FBP2: variants seen among roughly 807,000 people sequenced by gnomAD.
The protein encoded by FBP2 is fructose-bisphosphatase 2, also known as fructose-1,6-bisphosphatase isozyme 2.
In FBP2, 27 loss-of-function variants were observed where a neutral mutation model predicts 31.6. The ratio of observed to expected loss-of-function variants is 0.85; its 90% CI spans 0.63 to 1.18. The LOEUF (loss-of-function observed/expected upper bound fraction) is 1.18, where lower values mean the gene tolerates loss of function less well. Ranked by LOEUF, FBP2 falls within the 50% of genes most tolerant of loss-of-function variation. FBP2 has a pLI of 0.00. For missense variants in FBP2, 421 were observed against 436.1 expected, an observed-to-expected ratio of 0.97 and a Z score of 0.31; for synonymous variants, 168 against 179.8, an observed-to-expected ratio of 0.93 and a Z score of 0.53.
intron 6 of FBP2, among the ~76,000 whole-genome samples, chr9:94,561,352 A>ACT (rs1827097696): frequency 1.1e-4 from 6 of 54,970 alleles, no homozygotes; most frequent in African/African-American, 4.7e-4. Flanking sequence ...TGTGACCTGT[A>ACT]TTTTTTTTTT....
At chr9:94,583,323 A>G (rs1827392204) in intron 3 of FBP2, among the ~76,000 whole-genome samples, 1 of 152,224 alleles carries the variant, frequency 6.6e-6, no homozygotes, top group East Asian at 1.9e-4. Flanking sequence ...GCAAACTGCT[A>G]CTATGTCTTA....
At chr9:94,570,610 TC>T (rs1225459626) in intron 4 of FBP2, 1 of 152,244 alleles carries the variant, frequency 6.6e-6, no homozygotes, top group Non-Finnish European at 1.5e-5. Context: ...CCATAGAATT[TC>T]TCAGGGTTTG....
chr9:94,562,319 A>C (rs1362607191), intron 6 of FBP2, among the ~76,000 whole-genome samples: 1 of 151,604 alleles, frequency 6.6e-6, no homozygotes, highest in Non-Finnish European at 1.5e-5. Context: ...CAAAAAAAAA[A>C]AAAAAAAAAA....
intron 4 of FBP2, chr9:94,569,636 C>T (rs995050080): frequency 1.3e-5 from 2 of 152,096 alleles, no homozygotes; most frequent in Admixed American, 6.5e-5. Context: ...TCACCAACAA[C>T]GGCTGATTTT....
chr9:94,588,174 G>C (rs1461597251), intron 1 of FBP2, among the ~76,000 whole-genome samples: 1 of 152,152 alleles, frequency 6.6e-6, no homozygotes, highest in Non-Finnish European at 1.5e-5. Context: ...TCAAGTCTTT[G>C]TGGATTGTCC....
intron 1 of FBP2, among the ~76,000 whole-genome samples, chr9:94,591,230 G>C (rs111291917): frequency 0.032 from 4,945 of 152,350 alleles, 251 homozygotes; most frequent in African/African-American, 0.11. Context: ...CCGCACAGGA[G>C]CCCATGGAGT....
chr9:94,588,581 G>A (rs1030325695), intron 1 of FBP2, among the ~76,000 whole-genome samples: 3 of 152,146 alleles, frequency 2.0e-5, no homozygotes, highest in Non-Finnish European at 4.4e-5. Context: ...CTGTGATCAC[G>A]CCACTGCACT....
chr9:94,581,123 G>C (rs948318361), intron 3 of FBP2, among the ~76,000 whole-genome samples: 2 of 152,092 alleles, frequency 1.3e-5, no homozygotes, highest in East Asian at 3.8e-4. Context: ...TCAGAACTAG[G>C]CTGGGCTTAT....
chr9:94,574,769 C>G (rs2131452828), intron 3 of FBP2, among the ~76,000 whole-genome samples: 1 of 152,206 alleles, frequency 6.6e-6, no homozygotes, highest in African/African-American at 2.4e-5. Context: ...CTCTACCAAA[C>G]TCATCAACTC....
At chr9:94,584,344 G>A (rs1827402982) in intron 3 of FBP2, among the ~76,000 whole-genome samples, 1 of 152,120 alleles carries the variant, frequency 6.6e-6, no homozygotes, top group Non-Finnish European at 1.5e-5. Context: ...GATCTCAGCT[G>A]TCCTTCTGTG....
At chr9:94,563,493 AG>A (rs751308820) in intron 5 of FBP2, 32 bp from the exon 6 acceptor site, 3 of 1,603,700 alleles carry the variant, frequency 1.9e-6, no homozygotes, top group Non-Finnish European at 2.6e-6. Context: ...GACAAGATCC[AG>A]TGGCTTTCAG....
chr9:94,588,314 G>A (rs954805477), intron 1 of FBP2, among the ~76,000 whole-genome samples: 3 of 152,132 alleles, frequency 2.0e-5, no homozygotes, highest in African/African-American at 7.2e-5. Flanking sequence ...CAGTATAAGA[G>A]AGTGCTACTA....
chr9:94,566,075 C>T (rs1484270555), intron 5 of FBP2, among the ~76,000 whole-genome samples: 1 of 152,224 alleles, frequency 6.6e-6, no homozygotes, highest in Non-Finnish European at 1.5e-5. Flanking sequence ...TTAATCTTCT[C>T]ATCAAACAAT....
intron 5 of FBP2, 90 bp from the exon 6 acceptor site, chr9:94,563,551 T>C: frequency 2.8e-6 from 4 of 1,432,736 alleles, no homozygotes; most frequent in South Asian, 2.6e-5. Flanking sequence ...TGGTGTGACC[T>C]CTGCCTTCTT....
intron 3 of FBP2, 117 bp downstream of exon 3, chr9:94,584,460 G>A: frequency 1.5e-6 from 1 of 683,354 alleles, no homozygotes; most frequent in Non-Finnish European, 2.6e-6. Flanking sequence ...GCCTACAGTG[G>A]CTTTTCTCGT....
rs1174386595 is a variant in FBP2 at position 94,561,352 on chromosome 9, A to ATTTTTTTTTTTTTT, written c.825+1976_825+1989dup. Among the ~76,000 whole-genome samples the ATTTTTTTTTTTTTT allele has an allele frequency of 5.5e-5, 3 of 54,990 alleles. 1 individual carries two copies. The highest frequency in any genetic ancestry group is 6.3e-4 in the Admixed American group (2 of 3,178). 36.1% of individuals were successfully genotyped at this position (54,990 alleles called of 152,430 possible). A position where few individuals can be genotyped will look rare whatever the true frequency, so the allele number is the denominator to read the frequency against. On this transcript the variant is annotated intron_variant, in intron 6 of 6. Transcript: ENST00000375337. The stretch of plus-strand genomic sequence containing the variant: ...GCAGGCCATGTGACATGTGACCTGT[A>ATTTTTTTTTTTTTT]TTTTTTTTTTTTTTTTTTTTTTTTT...
intron 1 of FBP2, among the ~76,000 whole-genome samples, chr9:94,588,785 G>A (rs1272283067): frequency 6.6e-6 from 1 of 152,190 alleles, no homozygotes; most frequent in African/African-American, 2.4e-5. Context: ...CCGCAAGTGG[G>A]TGTCAGGCAC....
At chr9:94,571,190 A>G (rs1827264765) in intron 4 of FBP2, among the ~76,000 whole-genome samples, 1 of 152,168 alleles carries the variant, frequency 6.6e-6, no homozygotes. Flanking sequence ...AAAGAGATTG[A>G]GTGCATTTTT....
chr9:94,559,940 G>A (rs1384891627), intron 6 of FBP2, among the ~76,000 whole-genome samples: 1 of 152,098 alleles, frequency 6.6e-6, no homozygotes, highest in African/African-American at 2.4e-5. Context: ...CCCCATTTGA[G>A]ATAGTGAGAC....
Sources: allele counts gnomAD v4.1 joint callset (sites outside exome capture counted in the v4.1 genomes callset), GRCh38; gene constraint gnomAD v4.1.1; transcripts MANE v1.5; gene names NCBI Gene and HGNC (gene_info 2026-07-23, HGNC 2026-07-21).